NRG3: variants seen among roughly 807,000 people sequenced by gnomAD.
NRG3 encodes pro-neuregulin-3, membrane-bound isoform.
In NRG3, 31 loss-of-function variants were observed where a neutral mutation model predicts 66.9. The observed-to-expected ratio is 0.46, with a 90% CI of 0.35 to 0.63. The LOEUF (loss-of-function observed/expected upper bound fraction) is 0.63. NRG3 is among the 20% of genes least tolerant of loss of function. NRG3 has a pLI of 0.00. For missense variants in NRG3, 910 were observed against 878.9 expected (o/e 1.04, Z -0.45); for synonymous variants, 393 against 359.4 (o/e 1.09, Z -1.06).
intron 3 of NRG3, among the ~76,000 whole-genome samples, chr10:82,741,819 C>T (rs1315055975): frequency 6.6e-6 from 1 of 151,790 alleles, no homozygotes; most frequent in Non-Finnish European, 1.5e-5. Context: ...TTCAACAGGA[C>T]ATTTATCACT....
intron 2 of NRG3, among the ~76,000 whole-genome samples, chr10:82,529,055 A>G (rs528828600): frequency 9.2e-5 from 14 of 152,238 alleles, no homozygotes; most frequent in African/African-American, 1.4e-4. Flanking sequence ...AGCTTCCAAT[A>G]TAGTCTTACC....
At chr10:82,487,044 T>A (rs555756021) in intron 2 of NRG3, among the ~76,000 whole-genome samples, 19 of 149,540 alleles carry the variant, frequency 1.3e-4, no homozygotes, top group African/African-American at 4.1e-4. Flanking sequence ...AGGTTTAACA[T>A]AATGGTTATT....
chr10:82,964,567 G>A (rs1001995669), intron 6 of NRG3, among the ~76,000 whole-genome samples: 8 of 152,046 alleles, frequency 5.3e-5, no homozygotes, highest in African/African-American at 1.4e-4. Flanking sequence ...TCTCAACAGC[G>A]GTCGAGTTGT....
chr10:82,130,853 C>A (rs1005005749), intron 1 of NRG3, among the ~76,000 whole-genome samples: 1 of 152,020 alleles, frequency 6.6e-6, no homozygotes, highest in Non-Finnish European at 1.5e-5. Flanking sequence ...TGAGAAATTT[C>A]TATTCAGATT....
chr10:82,311,540 C>A (rs1223768031), intron 1 of NRG3, among the ~76,000 whole-genome samples: 1 of 152,010 alleles, frequency 6.6e-6, no homozygotes, highest in East Asian at 1.9e-4. Context: ...AAATAAAAAA[C>A]CGAATAGCAA....
intron 1 of NRG3, among the ~76,000 whole-genome samples, chr10:82,126,955 G>A (rs1258618533): frequency 6.6e-6 from 1 of 152,064 alleles, no homozygotes. Flanking sequence ...GTCTTCCTCT[G>A]TCACAATGTT....
intron 1 of NRG3, among the ~76,000 whole-genome samples, chr10:82,348,975 T>C (rs1397641116): frequency 3.3e-5 from 5 of 150,784 alleles, no homozygotes; most frequent in Non-Finnish European, 7.4e-5. Flanking sequence ...TCTTCTAAAT[T>C]TTTTTCAAAG....
chr10:82,616,691 A>G (rs1415985007), intron 2 of NRG3, among the ~76,000 whole-genome samples: 2 of 152,192 alleles, frequency 1.3e-5, no homozygotes, highest in East Asian at 1.9e-4. Context: ...TAAAAACTGT[A>G]TCATAATACG....
chr10:82,048,270 C>T (rs1218894676), intron 1 of NRG3, among the ~76,000 whole-genome samples: 1 of 152,000 alleles, frequency 6.6e-6, no homozygotes, highest in Non-Finnish European at 1.5e-5. Flanking sequence ...CTACAGAACT[C>T]TCCACCCCAA....
rs571597945 is a variant in NRG3, at chr10:82,659,007, G to C, written c.954-79570G>C. On this transcript the variant is annotated intron_variant, in intron 2 of 8. Coordinates refer to ENST00000372141, the MANE Select transcript of NRG3 (RefSeq NM_001010848.4). ...AGGAGGCTATAATTGTTGACTCTTTGACAATGGAATTTCAAACATTAATGG... is the reference window on the plus strand; with the variant it reads ...AGGAGGCTATAATTGTTGACTCTTTCACAATGGAATTTCAAACATTAATGG... 6.6e-5 allele frequency among the ~76,000 whole-genome samples: 10 copies of C among 152,246 alleles called. No individual in the cohort carries two copies. In the South Asian group the frequency reaches 2.1e-3, roughly 32 times the overall value.
At chr10:82,131,364 A>G (rs2068804429) in intron 1 of NRG3, among the ~76,000 whole-genome samples, 1 of 152,000 alleles carries the variant, frequency 6.6e-6, no homozygotes, top group Non-Finnish European at 1.5e-5. Flanking sequence ...GTATGGATTT[A>G]TTTCTGGGTT....
chr10:82,298,812 G>T (rs1312166748), intron 1 of NRG3, among the ~76,000 whole-genome samples: 1 of 152,122 alleles, frequency 6.6e-6, no homozygotes, highest in African/African-American at 2.4e-5. Context: ...GGAAATTAAA[G>T]AAAAATCTGC....
chr10:82,915,663 A>G (rs1263806945), intron 4 of NRG3, among the ~76,000 whole-genome samples: 3 of 152,156 alleles, frequency 2.0e-5, no homozygotes, highest in African/African-American at 7.2e-5. Flanking sequence ...AAATGTTCCT[A>G]GTGAGATTTT....
intron 1 of NRG3, among the ~76,000 whole-genome samples, chr10:82,294,250 C>T (rs2079918275): frequency 6.6e-6 from 1 of 152,178 alleles, no homozygotes; most frequent in Admixed American, 6.5e-5. Context: ...TTCAAAATAA[C>T]AGATTTATTT....
intron 2 of NRG3, among the ~76,000 whole-genome samples, chr10:82,618,224 G>A (rs977329448): frequency 7.2e-5 from 11 of 152,124 alleles, no homozygotes; most frequent in Admixed American, 4.6e-4. Context: ...CCAGCCAGCC[G>A]GAGCTGTGGT....
chr10:82,874,371 G>A (rs1320112645), intron 4 of NRG3, among the ~76,000 whole-genome samples: 1 of 151,734 alleles, frequency 6.6e-6, no homozygotes, highest in Non-Finnish European at 1.5e-5. Flanking sequence ...TTTGTGAACT[G>A]GCGTTAGAGA....
intron 2 of NRG3, among the ~76,000 whole-genome samples, chr10:82,637,295 TA>T (rs2050266319): frequency 6.6e-6 from 1 of 152,202 alleles, no homozygotes; most frequent in South Asian, 2.1e-4. Context: ...ATAATGTTAG[TA>T]ATTGATTATA....
intron 2 of NRG3, among the ~76,000 whole-genome samples, chr10:82,551,418 A>G (rs2044295985): frequency 1.3e-5 from 2 of 152,208 alleles, no homozygotes; most frequent in South Asian, 4.1e-4. Context: ...AAGTCTGTAA[A>G]TATTTTCAGA....
At chr10:82,590,280 A>G (rs2133299838) in intron 2 of NRG3, among the ~76,000 whole-genome samples, 1 of 152,310 alleles carries the variant, frequency 6.6e-6, no homozygotes, top group South Asian at 2.1e-4. Context: ...TTAATCTTGA[A>G]TAGGCATGTT....
Sources: allele counts gnomAD v4.1 joint callset (sites outside exome capture counted in the v4.1 genomes callset), GRCh38; gene constraint gnomAD v4.1.1; transcripts MANE v1.5; gene names NCBI Gene and HGNC (gene_info 2026-07-23, HGNC 2026-07-21).